BCL7C: variants seen among roughly 807,000 people sequenced by gnomAD.
The protein encoded by BCL7C is BAF chromatin remodeling complex subunit BCL7C.
BCL7C carries 8 observed loss-of-function variants against 26.2 expected under a neutral mutation model. The observed-to-expected ratio is 0.30, with a 90% CI of 0.18 to 0.55. The LOEUF is 0.55. Among genes scored for constraint, BCL7C ranks in the 20% least tolerant of loss-of-function variants. The pLI is 0.93. For synonymous variants in BCL7C, 90 were observed against 116.5 expected (o/e 0.77, Z 1.47); for missense variants, 262 against 298.5 (o/e 0.88, Z 0.90).
rs986856251 is a variant in BCL7C, at chr16:30,874,486, G to A, written c.528+14374C>T. Among the ~76,000 whole-genome samples the A allele has an allele frequency of 2.0e-4, 31 of 152,146 alleles. No individual in the cohort carries two copies. In the South Asian group the frequency reaches 3.3e-3, roughly 16 times the overall value. On this transcript the variant is annotated intron_variant, in intron 5 of 5. Coordinates refer to the BCL7C transcript ENST00000380317. ...AGAAAAATTAGCCGGGCGTGGTGGC[G>A]CGTGTTTGTAGTCCCAGACACTCCT... is the stretch of plus-strand genomic sequence containing the variant.
intron 5 of BCL7C, chr16:30,851,823 G>A: frequency 3.6e-6 from 1 of 275,360 alleles, no homozygotes; most frequent in Non-Finnish European, 7.0e-6. Flanking sequence ...AGAGCTGGTT[G>A]TTGCCGGTTG....
chr16:30,871,776 C>T (rs1214647750), intron 5 of BCL7C, among the ~76,000 whole-genome samples: 3 of 152,138 alleles, frequency 2.0e-5, no homozygotes, highest in Non-Finnish European at 4.4e-5. Flanking sequence ...TGAGCCATCG[C>T]ACCCGGCCAC....
rs565817988 is a variant in BCL7C at position 30,869,534 on chromosome 16, C to T, written c.528+19326G>A. Among the ~76,000 whole-genome samples, 62 of 138,014 alleles carry T rather than the reference C, an allele frequency of 4.5e-4. 1 individual carries two copies. The highest frequency in any genetic ancestry group is 1.6e-3 in the African/African-American group (58 of 36,446). The allele number at this position is 138,014 out of a possible 152,430, so 90.5% of individuals were successfully genotyped here. On this transcript the variant is annotated intron_variant, in intron 5 of 5. Transcript: ENST00000380317. ...CTTTTTTTTTTTTTTTTTAAAGAGACGGGGTCTCGCTCTGTTGCCCAGGCT... is the reference window on the plus strand; with the variant it reads ...CTTTTTTTTTTTTTTTTTAAAGAGATGGGGTCTCGCTCTGTTGCCCAGGCT...
chr16:30,836,114 A>C (rs2054567822), intron 5 of BCL7C, among the ~76,000 whole-genome samples: 1 of 152,096 alleles, frequency 6.6e-6, no homozygotes, highest in Non-Finnish European at 1.5e-5. Context: ...TTAGCTGGGC[A>C]TGGTGGTGTG....
intron 5 of BCL7C, among the ~76,000 whole-genome samples, chr16:30,872,133 T>C (rs1177824184): frequency 6.6e-6 from 1 of 152,066 alleles, no homozygotes; most frequent in Non-Finnish European, 1.5e-5. Context: ...AAGAATAAGA[T>C]GAGGAATAGG....
Position 30,850,834 on chromosome 16 carries a change from TG to T in BCL7C, c.529-15687del, listed in dbSNP as rs1293583979. Among the ~76,000 whole-genome samples, 5 of 152,180 alleles carry T rather than the reference TG, an allele frequency of 3.3e-5. No individual in the cohort carries two copies. In the East Asian group the frequency reaches 9.6e-4, roughly 29 times the overall value. On this transcript the variant is annotated intron_variant, in intron 5 of 5. Coordinates refer to the BCL7C transcript ENST00000380317. ...GGCCTGGGACATTATGGTACACCAC[TG>T]TAGGCTTTATGAACACTGTATATAT... is the stretch of plus-strand genomic sequence containing the variant.
At chr16:30,881,583 A>G (rs1364528752) in intron 5 of BCL7C, among the ~76,000 whole-genome samples, 2 of 152,164 alleles carry the variant, frequency 1.3e-5, no homozygotes, top group Non-Finnish European at 2.9e-5. Flanking sequence ...CAGCGTGATT[A>G]GTACTGCCCT....
intron 5 of BCL7C, among the ~76,000 whole-genome samples, chr16:30,869,168 C>G (rs772248409): frequency 6.6e-6 from 1 of 152,072 alleles, no homozygotes; most frequent in East Asian, 1.9e-4. Flanking sequence ...CTGTGTCACT[C>G]GGGGCCTATC....
chr16:30,887,079 C>T (rs1477732796), downstream of BCL7C, among the ~76,000 whole-genome samples: 2 of 152,082 alleles, frequency 1.3e-5, no homozygotes, highest in East Asian at 1.9e-4. Context: ...GAGGCCGAGG[C>T]GGGCAAATCA....
intron 5 of BCL7C, among the ~76,000 whole-genome samples, chr16:30,836,414 G>A (rs1206333638): frequency 5.3e-5 from 8 of 151,762 alleles, no homozygotes; most frequent in South Asian, 2.1e-4. Flanking sequence ...CTGAGCTGCC[G>A]AGAACTTATG....
rs1430520974 is a variant in BCL7C at position 30,893,843 on chromosome 16, C to G, written c.92+10G>C. ...CTGTGTCCCGTCCCTGGCCCCCGAG[C>G]AGCGCTCACCATCTCCGGACCTTCT... On this transcript the variant is annotated intron_variant, in intron 1 of 5. Transcript: ENST00000215115. The surrounding 1 kb of genome is among the most constrained non-coding windows in gnomAD (Gnocchi z 5.2). 1 of 1,600,090 alleles carries G rather than the reference C, an allele frequency of 6.2e-7. No individual in the cohort carries two copies. The highest frequency in any genetic ancestry group is 1.1e-5 in the South Asian group (1 of 90,912).
At chr16:30,868,526 CTG>C (rs2054851090) in intron 5 of BCL7C, among the ~76,000 whole-genome samples, 1 of 151,460 alleles carries the variant, frequency 6.6e-6, no homozygotes, top group Non-Finnish European at 1.5e-5. Flanking sequence ...TGGCTCACGC[CTG>C]TAATCCCAGC....
intron 5 of BCL7C, among the ~76,000 whole-genome samples, chr16:30,850,935 C>T (rs1430867350): frequency 2.0e-5 from 3 of 152,214 alleles, no homozygotes; most frequent in Admixed American, 2.0e-4. Flanking sequence ...ACTTTTGGTG[C>T]AAATGTAATT....
chr16:30,849,667 T>A (rs2054658928), intron 5 of BCL7C, among the ~76,000 whole-genome samples: 1 of 152,072 alleles, frequency 6.6e-6, no homozygotes, highest in Non-Finnish European at 1.5e-5. Context: ...GCCAGGCTGG[T>A]CTTGAACTCC....
At chr16:30,892,972 A>G in intron 2 of BCL7C, 24 bp from the exon 3 acceptor site, 11 of 1,598,330 alleles carry the variant, frequency 6.9e-6, no homozygotes, top group Non-Finnish European at 9.4e-6. Flanking sequence ...GATTAGGGTC[A>G]GAGCTCTTGG....
intron 5 of BCL7C, among the ~76,000 whole-genome samples, chr16:30,866,812 GGGAAGCT>G (rs2054833825): frequency 6.6e-6 from 1 of 152,092 alleles, no homozygotes; most frequent in Non-Finnish European, 1.5e-5. Context: ...CCAGCACTTT[GGGAAGCT>G]GAGGTGGGAG....
intron 5 of BCL7C, among the ~76,000 whole-genome samples, chr16:30,874,713 C>T (rs907180667): frequency 6.6e-6 from 1 of 152,158 alleles, no homozygotes; most frequent in South Asian, 2.1e-4. Flanking sequence ...CTGAACCATT[C>T]GGAGGAAGCT....
chr16:30,878,837 C>T (rs1375991884), intron 5 of BCL7C, among the ~76,000 whole-genome samples: 5 of 148,988 alleles, frequency 3.4e-5, no homozygotes, highest in East Asian at 2.0e-4. Flanking sequence ...AGCGAGACTC[C>T]GTCTCAAAAA....
chr16:30,864,956 C>T (rs2054812361), intron 5 of BCL7C, among the ~76,000 whole-genome samples: 1 of 150,544 alleles, frequency 6.6e-6, no homozygotes, highest in Non-Finnish European at 1.5e-5. Context: ...ATCACAAGGT[C>T]AGGAGATCGA....
Sources: gnomAD v4.1 joint callset for allele counts (sites outside exome capture counted in the v4.1 genomes callset) on GRCh38, gnomAD v4.1.1 for gene constraint, Gnocchi (gnomAD v3.1) non-coding constraint, MANE v1.5 for transcripts, NCBI Gene and HGNC (gene_info 2026-07-23, HGNC 2026-07-21) for gene names.